The following RABGAP1 variants were observed in gnomAD, a reference collection of about 807,000 sequenced individuals.
RABGAP1 encodes RAB GTPase activating protein 1.
In RABGAP1, 23 loss-of-function variants were observed where a neutral mutation model predicts 137.6. That is an observed-to-expected ratio of 0.17 (90% CI 0.12 to 0.24). RABGAP1 has a LOEUF of 0.24. Ranked by LOEUF, RABGAP1 falls within the 10% of genes least tolerant of loss-of-function variation. The pLI, the probability that RABGAP1 is intolerant of heterozygous loss-of-function variation, is 1.00. For missense variants in RABGAP1, 906 were observed against 1,275.8 expected, an observed-to-expected ratio of 0.71 and a Z score of 4.42; for synonymous variants, 451 against 450.7, an observed-to-expected ratio of 1.00 and a Z score of -0.01.
chr9:123,082,815 A>G (rs2034753138), intron 19 of RABGAP1, among the ~76,000 whole-genome samples: 1 of 152,208 alleles, frequency 6.6e-6, no homozygotes, highest in African/African-American at 2.4e-5. Context: ...ATTCTTAACC[A>G]TTTGCTATTT....
intron 1 of RABGAP1, among the ~76,000 whole-genome samples, chr9:122,942,188 A>G (rs1269894832): frequency 6.6e-6 from 1 of 152,232 alleles, no homozygotes; most frequent in Non-Finnish European, 1.5e-5. Flanking sequence ...CAAAACAAAA[A>G]AACAACGGAA....
intron 13 of RABGAP1, among the ~76,000 whole-genome samples, chr9:123,028,490 C>T (rs951102692): frequency 6.6e-6 from 1 of 152,154 alleles, no homozygotes; most frequent in Non-Finnish European, 1.5e-5. Flanking sequence ...AGGTCTCTTG[C>T]TCAGAAATTA....
chr9:123,008,429 C>T (rs2131866603), intron 10 of RABGAP1, among the ~76,000 whole-genome samples: 1 of 151,632 alleles, frequency 6.6e-6, no homozygotes, highest in East Asian at 1.9e-4. Context: ...CCTGTAATCC[C>T]AGCTATTCGG....
intron 19 of RABGAP1, among the ~76,000 whole-genome samples, chr9:123,081,296 T>A (rs866833245): frequency 7.9e-5 from 12 of 152,224 alleles, no homozygotes; most frequent in Non-Finnish European, 5.9e-5. Flanking sequence ...ACACGTGGAT[T>A]TTCAGGTGCG....
chr9:123,014,076 T>C (rs2031030159), intron 11 of RABGAP1, among the ~76,000 whole-genome samples: 1 of 152,214 alleles, frequency 6.6e-6, no homozygotes, highest in Non-Finnish European at 1.5e-5. Context: ...TTTCTGGACA[T>C]AAACCCGATG....
At chr9:123,073,783 G>A (rs1481765998) in intron 16 of RABGAP1, 106 bp downstream of exon 16, 9 of 1,433,248 alleles carry the variant, frequency 6.3e-6, no homozygotes, top group South Asian at 2.5e-5. Flanking sequence ...TTAGCGATCC[G>A]TGGCTAAGGA....
rs1164382031 is a variant in RABGAP1 at position 122,978,884 on chromosome 9, TTTTATTTTATTTTATTTTAC to T, written c.151-5581_151-5562del. On this transcript the variant is annotated intron_variant, in intron 2 of 25. Coordinates refer to ENST00000373647, the MANE Select transcript of RABGAP1 (RefSeq NM_012197.4). ...TTTTGAATTTTAGTCATTCATTTTA[TTTTATTTTATTTTATTTTAC>T]TTTATTTTATTTTATTTTAAACAGG... is the stretch of plus-strand genomic sequence containing the variant. Among the ~76,000 whole-genome samples, 7 of 151,680 alleles carry T rather than the reference TTTTATTTTATTTTATTTTAC, an allele frequency of 4.6e-5. No individual in the cohort carries two copies. The East Asian group carries it at 1.2e-3, about 25-fold the overall frequency.
rs746010792 is a variant in RABGAP1, at chr9:122,989,333, C to T, written c.627C>T (p.Asn209=). 37 of 1,613,704 alleles carry T rather than the reference C, an allele frequency of 2.3e-5. 1 individual carries two copies. The South Asian group carries it at 4.0e-4, about 17-fold the overall frequency. The change falls in exon 5 of 26, where the codon AAC becomes AAT. Residue 209 remains asparagine, a synonymous_variant. Transcript: ENST00000373647. ...CTCAGACAAACACTGAAATAGCAAA[C>T]TACCCTATCTACAAAATCCTCTTCT... ...LDPQTNTEIA[N]YPIYKILFCV...
At chr9:123,001,947 G>C (rs959509630) in intron 10 of RABGAP1, among the ~76,000 whole-genome samples, 1 of 152,128 alleles carries the variant, frequency 6.6e-6, no homozygotes, top group Non-Finnish European at 1.5e-5. Flanking sequence ...GGTGAGCCCC[G>C]GGAGAAGAAC....
intron 14 of RABGAP1, among the ~76,000 whole-genome samples, chr9:123,068,285 G>A (rs1382519942): frequency 6.6e-6 from 1 of 151,240 alleles, no homozygotes; most frequent in Non-Finnish European, 1.5e-5. Context: ...GAGAGGCAGA[G>A]GTTGCAGTGA....
At chr9:123,047,534 T>C (rs1564158568) in intron 13 of RABGAP1, among the ~76,000 whole-genome samples, 1 of 152,168 alleles carries the variant, frequency 6.6e-6, no homozygotes, top group Non-Finnish European at 1.5e-5. Flanking sequence ...TTTTAGTTAA[T>C]AGAAAAAGAT....
intron 13 of RABGAP1, among the ~76,000 whole-genome samples, chr9:123,058,464 T>G (rs1225224577): frequency 6.6e-6 from 1 of 152,208 alleles, no homozygotes; most frequent in African/African-American, 2.4e-5. Context: ...CTTCCAGTAT[T>G]ATTGTTACAA....
At chr9:122,950,249 A>C (rs1343256939) in intron 1 of RABGAP1, among the ~76,000 whole-genome samples, 1 of 152,094 alleles carries the variant, frequency 6.6e-6, no homozygotes. Flanking sequence ...GACATGAGGG[A>C]TAGTGAAGAA....
intron 2 of RABGAP1, among the ~76,000 whole-genome samples, chr9:122,964,527 A>G (rs1835028762): frequency 1.3e-5 from 2 of 152,200 alleles, no homozygotes. Flanking sequence ...CATTTCATGA[A>G]AAAAAGAAAT....
At position 122,999,433 on chromosome 9, in the gene RABGAP1, C is replaced by G. The variant is rs577411421; in HGVS notation, c.1374+667C>G. On this transcript the variant is annotated intron_variant, in intron 10 of 25. Transcript: ENST00000373647. ...CTCGGACTCCTCACCTCAGGTCATC[C>G]GCCCACCTCAGCCTCCCAAAGTCCT... 2.0e-5 allele frequency among the ~76,000 whole-genome samples: 3 copies of G among 151,956 alleles called. No homozygotes were observed. In the South Asian group the frequency reaches 6.2e-4, roughly 32 times the overall value.
At position 123,101,716 on chromosome 9, in the gene RABGAP1, C is replaced by T. The variant is rs1284589332; in HGVS notation, c.3040C>T (p.Leu1014=). The T allele has an allele frequency of 1.2e-6, 2 of 1,613,544 alleles. No individual in the cohort carries two copies. Among genetic ancestry groups the T allele is most frequent in the East Asian group, 2.2e-5 (1 of 44,858 alleles). The change falls in exon 25 of 26, where the codon CTG becomes TTG. Residue 1014 remains leucine (L), a synonymous_variant. Transcript: ENST00000373647. The stretch of plus-strand genomic sequence containing the variant: ...CCAGCTGAGAGAAATGGAGCTAGAA[C>T]TGGCACAGACCAAACTCCAGCTGGT... ...KNQLREMELE[L]AQTKLQLVEA...
chr9:122,971,185 A>G (rs1350589135), intron 2 of RABGAP1, among the ~76,000 whole-genome samples: 1 of 152,368 alleles, frequency 6.6e-6, no homozygotes, highest in East Asian at 1.9e-4. Flanking sequence ...AGGAAAGAAC[A>G]TAAGGAAACT....
chr9:123,025,848 T>C (rs545533208), intron 13 of RABGAP1, among the ~76,000 whole-genome samples: 5 of 152,254 alleles, frequency 3.3e-5, no homozygotes, highest in African/African-American at 1.2e-4. Flanking sequence ...TCTTTTACAA[T>C]GTTTATGCAG....
intron 13 of RABGAP1, chr9:123,029,639 T>C: frequency 4.2e-6 from 3 of 722,384 alleles, no homozygotes; most frequent in Non-Finnish European, 7.9e-6. Context: ...TCCCTAACTT[T>C]GCCTTTGGAC....
Sources: gnomAD v4.1 joint callset for allele counts (sites outside exome capture counted in the v4.1 genomes callset) on GRCh38, gnomAD v4.1.1 for gene constraint, MANE v1.5 for transcripts, NCBI Gene and HGNC (gene_info 2026-07-23, HGNC 2026-07-21) for gene names.